Variants in IQCJ observed in about 807,000 individuals in gnomAD.
The protein encoded by IQCJ is IQ domain-containing protein J.
A neutral mutation model predicts 11.0 loss-of-function variants in IQCJ; 9 were observed. The ratio of observed to expected loss-of-function variants is 0.82; its 90% CI spans 0.49 to 1.43. The LOEUF is 1.43. Among genes scored for constraint, IQCJ ranks in the 40% most tolerant of loss-of-function variants. The pLI is 0.00. For synonymous variants in IQCJ, 55 were observed against 51.3 expected (o/e 1.07, Z -0.31); for missense variants, 146 against 133.2 (o/e 1.10, Z -0.47).
At chr3:159,146,467 T>C (rs1276568919) in intron 1 of IQCJ, among the ~76,000 whole-genome samples, 2 of 152,134 alleles carry the variant, frequency 1.3e-5, no homozygotes, top group African/African-American at 4.8e-5. Context: ...AGGAGAGGGG[T>C]ATTCCATTCC....
At chr3:159,129,486 G>C (rs987009523) in intron 1 of IQCJ, among the ~76,000 whole-genome samples, 1 of 152,106 alleles carries the variant, frequency 6.6e-6, no homozygotes, top group Non-Finnish European at 1.5e-5. Context: ...TTCTTTGTTT[G>C]CTCAGCACTG....
At chr3:159,166,743 T>C (rs968258607) in intron 1 of IQCJ, among the ~76,000 whole-genome samples, 6 of 152,114 alleles carry the variant, frequency 3.9e-5, no homozygotes, top group African/African-American at 1.2e-4. Context: ...AAAGGAAAAA[T>C]TGAAGGATCC....
At chr3:159,189,062 C>T (rs1376051097) in intron 1 of IQCJ, among the ~76,000 whole-genome samples, 2 of 152,058 alleles carry the variant, frequency 1.3e-5, no homozygotes, top group African/African-American at 4.8e-5. Context: ...TGAATTCATA[C>T]TATAGATGCA....
chr3:159,174,151 T>C (rs1023834202), intron 1 of IQCJ, among the ~76,000 whole-genome samples: 15 of 152,160 alleles, frequency 9.9e-5, no homozygotes, highest in Non-Finnish European at 1.8e-4. Context: ...TCTTGTTTTT[T>C]AATATTGGCC....
At chr3:159,119,562 A>G (rs1719229169) in intron 1 of IQCJ, among the ~76,000 whole-genome samples, 2 of 152,224 alleles carry the variant, frequency 1.3e-5, no homozygotes. Flanking sequence ...AGAAAAAAAC[A>G]TTCCATGAAG....
chr3:159,069,892 T>C (rs1715447788), intron 1 of IQCJ: 8 of 282,334 alleles, frequency 2.8e-5, no homozygotes, highest in Non-Finnish European at 4.3e-5. Flanking sequence ...TGTGTGCGTG[T>C]GTATGGGGAG....
At chr3:159,174,022 T>A (rs1722639853) in intron 1 of IQCJ, among the ~76,000 whole-genome samples, 1 of 152,200 alleles carries the variant, frequency 6.6e-6, no homozygotes, top group Admixed American at 6.5e-5. Context: ...TGAGAGTTTC[T>A]CAGTTGTAGC....
chr3:159,176,952 A>G (rs1172404083), intron 1 of IQCJ, among the ~76,000 whole-genome samples: 4 of 152,208 alleles, frequency 2.6e-5, no homozygotes, highest in African/African-American at 9.6e-5. Context: ...GGAGAATATA[A>G]AAAGCTAATT....
intron 1 of IQCJ, among the ~76,000 whole-genome samples, chr3:159,182,776 A>AT (rs376253612): frequency 0.28 from 33,484 of 120,894 alleles, 4,375 homozygotes; most frequent in South Asian, 0.41. Flanking sequence ...ATTTTTATTT[A>AT]TTTTATTTTT....
chr3:159,129,953 C>T (rs546022643), intron 1 of IQCJ, among the ~76,000 whole-genome samples: 46 of 151,992 alleles, frequency 3.0e-4, no homozygotes, highest in African/African-American at 9.9e-4. Context: ...GTGCAGATGC[C>T]GATGTGTATT....
chr3:159,209,720 C>T (rs1724851184), intron 1 of IQCJ, among the ~76,000 whole-genome samples: 1 of 152,150 alleles, frequency 6.6e-6, no homozygotes, highest in Non-Finnish European at 1.5e-5. Context: ...GCTCTCCCTC[C>T]CACAAGGGGT....
intron 1 of IQCJ, among the ~76,000 whole-genome samples, chr3:159,161,563 T>C (rs1721856170): frequency 6.6e-6 from 1 of 152,254 alleles, no homozygotes; most frequent in Non-Finnish European, 1.5e-5. Context: ...TTTTGGCTTT[T>C]GTTGCCATTG....
At chr3:159,085,466 A>G (rs1348534125) in intron 1 of IQCJ, among the ~76,000 whole-genome samples, 3 of 151,588 alleles carry the variant, frequency 2.0e-5, no homozygotes, top group African/African-American at 4.8e-5. Context: ...TGGTATTTCT[A>G]GTTCTAGATC....
chr3:159,076,114 T>G (rs1715896888), intron 1 of IQCJ, among the ~76,000 whole-genome samples: 1 of 152,114 alleles, frequency 6.6e-6, no homozygotes, highest in African/African-American at 2.4e-5. Context: ...TGATAATGAA[T>G]TTCTCACTGA....
In IQCJ at chr3:159,102,914, C is replaced by T. The variant is rs138082876; in HGVS notation, c.9+33473C>T. On this transcript the variant is annotated intron_variant, in intron 1 of 3. Coordinates refer to ENST00000397832, the MANE Select transcript of IQCJ (RefSeq NM_001042706.3). ...TAGATTTTATTCTTGATATGATCAT[C>T]CTGTATTGATCTAACTTCATTGATA... 1.5e-3 allele frequency among the ~76,000 whole-genome samples: 228 copies of T among 152,266 alleles called. 1 individual carries two copies. The highest frequency in any genetic ancestry group is 5.2e-3 in the African/African-American group (214 of 41,546).
At chr3:159,205,381 A>G (rs142980092) in intron 1 of IQCJ, among the ~76,000 whole-genome samples, 130 of 152,348 alleles carry the variant, frequency 8.5e-4, no homozygotes, top group African/African-American at 3.0e-3. Flanking sequence ...ATGTGTGACA[A>G]CATACTCAGA....
intron 1 of IQCJ, among the ~76,000 whole-genome samples, chr3:159,180,186 G>A (rs555954258): frequency 6.6e-6 from 1 of 152,266 alleles, no homozygotes; most frequent in Non-Finnish European, 1.5e-5. Flanking sequence ...ATGGAACATT[G>A]ATTCTGCATT....
intron 1 of IQCJ, among the ~76,000 whole-genome samples, chr3:159,194,505 C>G (rs564683559): frequency 3.3e-5 from 5 of 152,278 alleles, no homozygotes; most frequent in Non-Finnish European, 5.9e-5. Context: ...ACAATTAGCC[C>G]TAGATTAGAG....
At chr3:159,156,572 A>C (rs997899199) in intron 1 of IQCJ, among the ~76,000 whole-genome samples, 1 of 152,192 alleles carries the variant, frequency 6.6e-6, no homozygotes, top group African/African-American at 2.4e-5. Flanking sequence ...GATTCTAGAA[A>C]GCCTTGAATG....
Sources: gnomAD v4.1 joint callset for allele counts (sites outside exome capture counted in the v4.1 genomes callset) on GRCh38, gnomAD v4.1.1 for gene constraint, MANE v1.5 for transcripts, NCBI Gene and HGNC (gene_info 2026-07-23, HGNC 2026-07-21) for gene names.